The following ATF7IP variants were observed in gnomAD, a reference collection of about 807,000 sequenced individuals.
ATF7IP encodes activating transcription factor 7-interacting protein 1.
In ATF7IP, 23 loss-of-function variants were observed where a neutral mutation model predicts 106.4. That is an observed-to-expected ratio of 0.22 (90% confidence interval 0.16 to 0.31). The LOEUF is 0.31. ATF7IP is among the 10% of genes least tolerant of loss of function. ATF7IP has a pLI of 1.00. For missense variants in ATF7IP, 1,334 were observed against 1,524.3 expected, an observed-to-expected ratio of 0.88 and a Z score of 2.08; for synonymous variants, 542 against 539.0, an observed-to-expected ratio of 1.01 and a Z score of -0.08.
At chr12:14,495,622 G>A (rs1186349354) in intron 13 of ATF7IP, among the ~76,000 whole-genome samples, 1 of 152,208 alleles carries the variant, frequency 6.6e-6, no homozygotes, top group East Asian at 1.9e-4. Context: ...CCTGGTGTAT[G>A]TCACAGCAGT....
At chr12:14,394,360 G>C (rs963592047) in intron 1 of ATF7IP, among the ~76,000 whole-genome samples, 1 of 152,112 alleles carries the variant, frequency 6.6e-6, no homozygotes, top group South Asian at 2.1e-4. Context: ...TATTTTTCTT[G>C]TGGTGGGGGG....
chr12:14,495,125 C>T (rs1235787782), intron 13 of ATF7IP, among the ~76,000 whole-genome samples: 1 of 152,012 alleles, frequency 6.6e-6, no homozygotes, highest in African/African-American at 2.4e-5. Flanking sequence ...GTTTTTCTGC[C>T]TGCTTTATAT....
intron 1 of ATF7IP, among the ~76,000 whole-genome samples, chr12:14,379,517 G>T (rs1938914017): frequency 1.3e-5 from 2 of 151,776 alleles, no homozygotes. Context: ...TCTTTTTATT[G>T]ATTTATTCTG....
intron 8 of ATF7IP, 28 bp downstream of exon 8, chr12:14,457,323 C>T (rs1306656374): frequency 6.8e-7 from 1 of 1,475,502 alleles, no homozygotes; most frequent in African/African-American, 1.4e-5. Context: ...TACCAAAATA[C>T]ATTTTCTTAG....
intron 13 of ATF7IP, among the ~76,000 whole-genome samples, chr12:14,492,182 A>T (rs1436208928): frequency 6.6e-6 from 1 of 152,168 alleles, no homozygotes; most frequent in Non-Finnish European, 1.5e-5. Context: ...AATCCACTGG[A>T]TCCACTGTAA....
chr12:14,488,190 A>G (rs1944688953), intron 13 of ATF7IP, among the ~76,000 whole-genome samples: 1 of 152,094 alleles, frequency 6.6e-6, no homozygotes, highest in African/African-American at 2.4e-5. Flanking sequence ...AATAAGATGG[A>G]CACACACACA....
At chr12:14,485,474 T>G (rs1175697419) in intron 13 of ATF7IP, among the ~76,000 whole-genome samples, 1 of 152,158 alleles carries the variant, frequency 6.6e-6, no homozygotes, top group Non-Finnish European at 1.5e-5. Context: ...GTCTCATCAG[T>G]AAGTTCAGTG....
At chr12:14,477,442 T>C (rs1287222101) in intron 11 of ATF7IP, among the ~76,000 whole-genome samples, 1 of 152,198 alleles carries the variant, frequency 6.6e-6, no homozygotes, top group Non-Finnish European at 1.5e-5. Flanking sequence ...ATGACTATTA[T>C]AATGGATCCC....
intron 6 of ATF7IP, among the ~76,000 whole-genome samples, chr12:14,453,743 G>A (rs1166912818): frequency 1.3e-5 from 2 of 151,938 alleles, no homozygotes; most frequent in East Asian, 3.9e-4. Context: ...TCCAGCCTCA[G>A]CCTCCTGAGT....
chr12:14,428,225 T>C (rs1257039085), intron 2 of ATF7IP, among the ~76,000 whole-genome samples: 2 of 152,186 alleles, frequency 1.3e-5, no homozygotes, highest in African/African-American at 4.8e-5. Flanking sequence ...AATCTTGATA[T>C]TGGAGGGCAT....
intron 1 of ATF7IP, among the ~76,000 whole-genome samples, chr12:14,381,709 A>G (rs1281560296): frequency 2.0e-5 from 3 of 152,174 alleles, no homozygotes; most frequent in Non-Finnish European, 4.4e-5. Context: ...ACTTACAATT[A>G]GAGCATCTTA....
At chr12:14,464,934 G>A (rs1943773789) in intron 9 of ATF7IP, among the ~76,000 whole-genome samples, 1 of 152,154 alleles carries the variant, frequency 6.6e-6, no homozygotes, top group Non-Finnish European at 1.5e-5. Context: ...ATAAAAATGA[G>A]GCCAGGTATG....
intron 1 of ATF7IP, among the ~76,000 whole-genome samples, chr12:14,406,711 C>G (rs575520844): frequency 7.1e-4 from 100 of 140,464 alleles, no homozygotes; most frequent in African/African-American, 2.6e-3. Context: ...TTTGCCCAGG[C>G]TGTAGTGCAA....
intron 1 of ATF7IP, among the ~76,000 whole-genome samples, chr12:14,395,540 A>G (rs1289886718): frequency 1.3e-5 from 2 of 152,202 alleles, no homozygotes; most frequent in Non-Finnish European, 2.9e-5. Context: ...TTCATATTAC[A>G]TAGAAATCAG....
intron 9 of ATF7IP, 79 bp downstream of exon 9, chr12:14,461,212 G>A (rs905847912): frequency 3.8e-6 from 5 of 1,309,926 alleles, no homozygotes; most frequent in Non-Finnish European, 5.2e-6. Context: ...TTTTTTCTAA[G>A]TGGCTAGCGT....
chr12:14,405,883 C>A (rs537131354), intron 1 of ATF7IP, among the ~76,000 whole-genome samples: 2 of 152,238 alleles, frequency 1.3e-5, no homozygotes, highest in South Asian at 4.2e-4. Context: ...TATTCAGTTT[C>A]CCTCAAATTT....
chr12:14,371,865 C>T (rs1259480464), intron 1 of ATF7IP, among the ~76,000 whole-genome samples: 8 of 151,986 alleles, frequency 5.3e-5, no homozygotes, highest in Non-Finnish European at 1.0e-4. Flanking sequence ...TATGCATTGG[C>T]TGCATACCTT....
intron 1 of ATF7IP, among the ~76,000 whole-genome samples, chr12:14,410,976 G>A (rs1422120721): frequency 6.6e-6 from 1 of 152,114 alleles, no homozygotes; most frequent in Admixed American, 6.6e-5. Flanking sequence ...GTTTATGGCT[G>A]AATGATACTC....
chr12:14,420,752 A>G (rs562270116), intron 1 of ATF7IP, among the ~76,000 whole-genome samples: 4 of 152,310 alleles, frequency 2.6e-5, no homozygotes, highest in South Asian at 2.1e-4. Context: ...TTTATGTCCA[A>G]CCAGAGAACA....
Sources: gnomAD v4.1 joint callset for allele counts (sites outside exome capture counted in the v4.1 genomes callset) on GRCh38, gnomAD v4.1.1 for gene constraint, MANE v1.5 for transcripts, NCBI Gene and HGNC (gene_info 2026-07-23, HGNC 2026-07-21) for gene names.